Variants in PTPRD observed in about 807,000 individuals in gnomAD.
The protein encoded by PTPRD is receptor-type tyrosine-protein phosphatase delta.
A neutral mutation model predicts 214.5 loss-of-function variants in PTPRD; 34 were observed. The ratio of observed to expected loss-of-function variants is 0.16; its 90% CI spans 0.12 to 0.21. PTPRD has a LOEUF of 0.21. Ranked by LOEUF, PTPRD falls within the 10% of genes least tolerant of loss-of-function variation. The pLI is 1.00. For synonymous variants in PTPRD, 1,128 were observed against 845.7 expected, an observed-to-expected ratio of 1.33 and a Z score of -5.79; for missense variants, 2,545 against 2,398.7, an observed-to-expected ratio of 1.06 and a Z score of -1.27.
rs10977443 is a variant in PTPRD at position 9,011,926 on chromosome 9, T to A, written c.-104+6771A>T. Among the ~76,000 whole-genome samples, 670 of 152,252 alleles carry A rather than the reference T, an allele frequency of 4.4e-3. 3 individuals carry two copies. Among genetic ancestry groups the A allele is most frequent in the East Asian group, 0.037 (191 of 5,172 alleles). On this transcript the variant is annotated intron_variant, in intron 11 of 45. Transcript: ENST00000381196. ...CTGAGTGTGGGCAGGACCTGTGACATATTTCTAACCAATAGAACTTGGTAA... is the reference window on the plus strand; with the variant it reads ...CTGAGTGTGGGCAGGACCTGTGACAAATTTCTAACCAATAGAACTTGGTAA...
intron 11 of PTPRD, among the ~76,000 whole-genome samples, chr9:8,983,278 T>G (rs1273692696): frequency 6.6e-6 from 1 of 151,950 alleles, no homozygotes; most frequent in Non-Finnish European, 1.5e-5. Flanking sequence ...GAGATACAGA[T>G]GAAAATAAAA....
chr9:9,162,873 A>T (rs1342743022), intron 10 of PTPRD, among the ~76,000 whole-genome samples: 1 of 151,998 alleles, frequency 6.6e-6, no homozygotes, highest in Non-Finnish European at 1.5e-5. Flanking sequence ...AGGTTATCCA[A>T]GCTTACATGT....
At chr9:9,895,018 T>C (rs1370686497) in intron 5 of PTPRD, among the ~76,000 whole-genome samples, 1 of 152,024 alleles carries the variant, frequency 6.6e-6, no homozygotes, top group African/African-American at 2.4e-5. Context: ...AGTCTCCGGG[T>C]ACACAATGGG....
chr9:8,578,880 T>C (rs1195372994), intron 14 of PTPRD, among the ~76,000 whole-genome samples: 1 of 152,240 alleles, frequency 6.6e-6, no homozygotes, highest in Non-Finnish European at 1.5e-5. Flanking sequence ...ATTTAAGTTA[T>C]TTAAAAGTCA....
chr9:9,462,175 A>T (rs1200762162), intron 8 of PTPRD, among the ~76,000 whole-genome samples: 3 of 152,114 alleles, frequency 2.0e-5, no homozygotes, highest in African/African-American at 7.2e-5. Context: ...GACTTTCAAT[A>T]TCGGGAATCT....
chr9:8,978,787 T>C (rs749576637), intron 11 of PTPRD, among the ~76,000 whole-genome samples: 1 of 152,130 alleles, frequency 6.6e-6, no homozygotes, highest in Non-Finnish European at 1.5e-5. Flanking sequence ...GTAATGCTGC[T>C]AAGTGAGGCT....
intron 14 of PTPRD, among the ~76,000 whole-genome samples, chr9:8,531,765 T>C (rs1407641973): frequency 6.6e-6 from 1 of 152,126 alleles, no homozygotes; most frequent in Non-Finnish European, 1.5e-5. Flanking sequence ...GAGCCAATAT[T>C]CAGTGCTGAT....
At chr9:8,515,064 T>C (rs1390747876) in intron 21 of PTPRD, among the ~76,000 whole-genome samples, 2 of 152,212 alleles carry the variant, frequency 1.3e-5, no homozygotes, top group Non-Finnish European at 2.9e-5. Flanking sequence ...ATTAAACCTC[T>C]TTCCTTTGTA....
intron 4 of PTPRD, among the ~76,000 whole-genome samples, chr9:9,948,281 T>C (rs1396285020): frequency 6.6e-6 from 1 of 152,084 alleles, no homozygotes; most frequent in Non-Finnish European, 1.5e-5. Context: ...CGACTTTCAC[T>C]GTATCTCAAT....
intron 3 of PTPRD, among the ~76,000 whole-genome samples, chr9:10,268,321 G>GTAATAATA (rs1564900765): frequency 2.5e-4 from 31 of 122,980 alleles, no homozygotes; most frequent in African/African-American, 8.8e-4. Flanking sequence ...TAATAATAAC[G>GTAATAATA]ATAATAATAA....
chr9:8,433,229 T>C (rs2095173518), intron 35 of PTPRD, among the ~76,000 whole-genome samples: 1 of 152,220 alleles, frequency 6.6e-6, no homozygotes. Context: ...AGTGCATTAC[T>C]CCTGTGGTTG....
At chr9:9,179,151 A>G (rs2099926635) in intron 10 of PTPRD, among the ~76,000 whole-genome samples, 1 of 152,142 alleles carries the variant, frequency 6.6e-6, no homozygotes, top group African/African-American at 2.4e-5. Flanking sequence ...TTAATTGTTG[A>G]AACTCAAAGA....
At chr9:8,997,883 T>C (rs1316923418) in intron 11 of PTPRD, among the ~76,000 whole-genome samples, 3 of 152,092 alleles carry the variant, frequency 2.0e-5, no homozygotes, top group Non-Finnish European at 2.9e-5. Context: ...ATTGCTGATA[T>C]GGAGAAAGCT....
chr9:8,756,570 G>A (rs1372983878), intron 11 of PTPRD, among the ~76,000 whole-genome samples: 1 of 152,232 alleles, frequency 6.6e-6, no homozygotes, highest in South Asian at 2.1e-4. Context: ...ACAATACTGG[G>A]CTATTTGAGA....
chr9:8,414,396 G>A (rs1375503200), intron 35 of PTPRD, among the ~76,000 whole-genome samples: 1 of 152,192 alleles, frequency 6.6e-6, no homozygotes, highest in Non-Finnish European at 1.5e-5. Context: ...ACTTGCCAAT[G>A]ACAGTTCTGT....
intron 7 of PTPRD, among the ~76,000 whole-genome samples, chr9:9,659,213 A>T (rs2096577398): frequency 6.6e-6 from 1 of 152,108 alleles, no homozygotes; most frequent in Non-Finnish European, 1.5e-5. Context: ...TTTATTTAAT[A>T]TGTTTCAAAT....
chr9:8,373,810 AT>A (rs2082275180), intron 39 of PTPRD, among the ~76,000 whole-genome samples: 1 of 86,418 alleles, frequency 1.2e-5, no homozygotes. Flanking sequence ...AAAATTATGT[AT>A]GTATGTATGT....
At chr9:8,800,215 A>AT (rs2096543316) in intron 11 of PTPRD, among the ~76,000 whole-genome samples, 5 of 151,804 alleles carry the variant, frequency 3.3e-5, no homozygotes. Context: ...TAATGACTTC[A>AT]TTTTTTTGGC....
chr9:8,603,261 A>AC (rs112620267), intron 14 of PTPRD, among the ~76,000 whole-genome samples: 45,611 of 152,062 alleles, frequency 0.3, 7,096 homozygotes, highest in African/African-American at 0.39. Context: ...GGGGAACTAC[A>AC]AGGCAATTAT....
Sources: allele counts gnomAD v4.1 joint callset (sites outside exome capture counted in the v4.1 genomes callset), GRCh38; gene constraint gnomAD v4.1.1; transcripts MANE v1.5; gene names NCBI Gene and HGNC (gene_info 2026-07-23, HGNC 2026-07-21).